The following CWC15 variants were observed in gnomAD, a reference collection of about 807,000 sequenced individuals.
The protein encoded by CWC15 is CWC15 spliceosome associated protein.
A neutral mutation model predicts 28.4 loss-of-function variants in CWC15; 12 were observed. That is an observed-to-expected ratio of 0.42 (90% CI 0.27 to 0.69). The LOEUF is 0.69. CWC15 is among the 30% of genes least tolerant of loss of function. The pLI, the probability that CWC15 is intolerant of heterozygous loss-of-function variation, is 0.23. For missense variants in CWC15, 192 were observed against 271.5 expected, an observed-to-expected ratio of 0.71 and a Z score of 2.06; for synonymous variants, 92 against 88.4, an observed-to-expected ratio of 1.04 and a Z score of -0.23.
At position 94,972,119 on chromosome 11, in the gene CWC15, A is replaced by G. The variant is rs782696750; in HGVS notation, c.67T>C (p.Leu23=). The part of the protein sequence containing the change: ...RGGRGKGEGD[L]SQLSKQYSSR... ...GAATACTGCTTTGAAAGTTGGCTCAAATCACCTTCTCCTTTTCCCCTTCCA... is the reference window on the plus strand; with the variant it reads ...GAATACTGCTTTGAAAGTTGGCTCAGATCACCTTCTCCTTTTCCCCTTCCA... The change falls in exon 2 of 7, where the codon TTG becomes CTG. Residue 23 remains leucine, a synonymous_variant. Transcript: ENST00000279839. 95 of 1,613,726 alleles carry G rather than the reference A, an allele frequency of 5.9e-5. No individual in the cohort carries two copies. Among genetic ancestry groups the G allele is most frequent in the East Asian group, 1.1e-4 (5 of 44,856 alleles).
At chr11:94,964,269 C>CCA (rs1857609574) in intron 6 of CWC15, among the ~76,000 whole-genome samples, 1 of 10,844 alleles carries the variant, frequency 9.2e-5, no homozygotes, top group African/African-American at 1.0e-4. Context: ...TAACACAAGC[C>CCA]CATATGTGTG....
intron 5 of CWC15, 106 bp downstream of exon 5, chr11:94,969,883 G>C (rs1021940207): frequency 1.1e-5 from 6 of 562,526 alleles, no homozygotes; most frequent in Non-Finnish European, 1.8e-5. Flanking sequence ...ATTTAGACAC[G>C]GTAAAGGAGA....
chr11:94,973,234 C>G (rs1318945149), intron 1 of CWC15: 1 of 152,358 alleles, frequency 6.6e-6, no homozygotes, highest in Non-Finnish European at 1.5e-5. Context: ...TCACCCGTGC[C>G]CAGCACTGCA....
chr11:94,971,578 T>G, intron 2 of CWC15, 91 bp from the exon 3 acceptor site: 1 of 741,066 alleles, frequency 1.3e-6, no homozygotes, highest in East Asian at 2.7e-5. Context: ...AATTCAGGAA[T>G]GAGACTTTGT....
At chr11:94,967,771 C>T (rs1272621372) in intron 5 of CWC15, among the ~76,000 whole-genome samples, 3 of 152,156 alleles carry the variant, frequency 2.0e-5, no homozygotes, top group African/African-American at 7.2e-5. Flanking sequence ...CTTTATGTCA[C>T]TGGTCAGAAC....
intron 6 of CWC15, among the ~76,000 whole-genome samples, chr11:94,964,125 GA>G (rs1167244374): frequency 2.1e-5 from 3 of 146,172 alleles, no homozygotes; most frequent in African/African-American, 5.1e-5. Flanking sequence ...GTATAAGCAC[GA>G]AAAAAAAACA....
At chr11:94,969,353 A>C (rs587774219) in intron 5 of CWC15, among the ~76,000 whole-genome samples, 1 of 152,072 alleles carries the variant, frequency 6.6e-6, no homozygotes, top group South Asian at 2.1e-4. Flanking sequence ...AGTTTTATCA[A>C]TCTCCTGCTG....
chr11:94,971,944 C>G, intron 2 of CWC15, 111 bp downstream of exon 2: 4 of 997,896 alleles, frequency 4.0e-6, no homozygotes, highest in Non-Finnish European at 2.9e-6. Context: ...GCATTCTATT[C>G]CTATGAAAAT....
chr11:94,966,545 CTT>C (rs34432027), intron 5 of CWC15, 132 bp from the exon 6 acceptor site: 11,669 of 233,596 alleles, frequency 0.05, no homozygotes, highest in Middle Eastern at 0.07. Context: ...TCAAGGCAGG[CTT>C]TTTTTTTTTT....
intron 1 of CWC15, among the ~76,000 whole-genome samples, chr11:94,972,812 C>T (rs1857742370): frequency 6.6e-6 from 1 of 152,170 alleles, no homozygotes; most frequent in Non-Finnish European, 1.5e-5. Context: ...TCTCCTACAA[C>T]AGGCATCATA....
At chr11:94,964,339 A>G (rs1263042753) in intron 6 of CWC15, among the ~76,000 whole-genome samples, 4 of 152,152 alleles carry the variant, frequency 2.6e-5, no homozygotes, top group African/African-American at 9.7e-5. Flanking sequence ...CAAATGTGGG[A>G]AAGTGCACAA....
Position 94,972,152 on chromosome 11 carries a change from C to T in CWC15, c.34G>A (p.Ala12Thr), listed in dbSNP as rs868988238. The change falls in exon 2 of 7, where the codon GCC becomes ACC. Residue 12 changes from alanine (A) to threonine (T), a missense_variant. By Grantham distance (58) the Ala-to-Thr change is moderately conservative (BLOSUM62 0). This residue lies in a region of CWC15 where 4 missense variants were observed against 21.2 expected (regional missense o/e 0.19). Transcript: ENST00000279839. Reference sequence around the variant, plus strand: ...TCTCCTTTTCCCCTTCCACCTCTGGCAGGTTCAAAGGTTGGCCTGGCTGCT... The same window carrying T: ...TCTCCTTTTCCCCTTCCACCTCTGGTAGGTTCAAAGGTTGGCCTGGCTGCT... Reference protein sequence around the residue: ...TTAARPTFEPARGGRGKGEGD... With the variant: ...TTAARPTFEPTRGGRGKGEGD... 1 of 1,613,854 alleles carries T rather than the reference C, an allele frequency of 6.2e-7. No homozygotes were observed. Among genetic ancestry groups the T allele is most frequent in the Non-Finnish European group, 8.5e-7 (1 of 1,179,802 alleles).
At chr11:94,969,223 C>T (rs185451873) in intron 5 of CWC15, among the ~76,000 whole-genome samples, 1 of 152,188 alleles carries the variant, frequency 6.6e-6, no homozygotes, top group Non-Finnish European at 1.5e-5. Context: ...AATTCCAACT[C>T]CTATCATACA....
rs191312292 is a variant in CWC15, at chr11:94,968,069, A to G, written c.442-1656T>C. Among the ~76,000 whole-genome samples, 3 of 152,360 alleles carry G rather than the reference A, an allele frequency of 2.0e-5. No homozygotes were observed. The East Asian group carries it at 5.8e-4, about 29-fold the overall frequency. On this transcript the variant is annotated intron_variant, in intron 5 of 6. Transcript: ENST00000279839. Reference sequence around the variant, plus strand: ...TCTATATTCAAACAGCAGGCATACTATGTTTCATAATATAGGCTAGTCATC... The same window carrying G: ...TCTATATTCAAACAGCAGGCATACTGTGTTTCATAATATAGGCTAGTCATC...
At position 94,962,943 on chromosome 11, in the gene CWC15, T is replaced by G. The variant is rs1415608338; in HGVS notation, c.*442A>C. On this transcript the variant is annotated 3_prime_UTR_variant, in exon 7 of 7. Coordinates refer to ENST00000279839, the MANE Select transcript of CWC15 (RefSeq NM_016403.4). ...CCCTCTCATCTTCCATTACACTCTT[T>G]TAAAAAATGCAGAGAAAATATGAAT... 1 of 150,828 alleles carries G rather than the reference T, an allele frequency of 6.6e-6. No individual in the cohort carries two copies. Among genetic ancestry groups the G allele is most frequent in the Non-Finnish European group, 1.5e-5 (1 of 68,144 alleles). The allele number at this position is 150,828 out of a possible 1,614,324, so 9.3% of individuals were successfully genotyped here. A position where few individuals can be genotyped will look rare whatever the true frequency, so the allele number is the denominator to read the frequency against.
intron 6 of CWC15, among the ~76,000 whole-genome samples, chr11:94,964,468 T>G (rs1307897420): frequency 1.3e-5 from 2 of 152,160 alleles, no homozygotes; most frequent in Non-Finnish European, 2.9e-5. Context: ...CATGTTTCTA[T>G]CTCCAATTCC....
intron 1 of CWC15, chr11:94,973,295 GGC>G (rs1555096530): frequency 4.1e-5 from 1 of 24,684 alleles, no homozygotes; most frequent in Non-Finnish European, 1.4e-4. Flanking sequence ...TTACGCAGTA[GGC>G]GAGCTGCCTG....
chr11:94,964,999 G>A (rs1175229509), intron 6 of CWC15, among the ~76,000 whole-genome samples: 1 of 152,222 alleles, frequency 6.6e-6, no homozygotes, highest in African/African-American at 2.4e-5. Context: ...CAGGAGTACT[G>A]CATCACTCCA....
At chr11:94,972,994 T>G (rs114877923) in intron 1 of CWC15, among the ~76,000 whole-genome samples, 2 of 135,304 alleles carry the variant, frequency 1.5e-5, no homozygotes, top group African/African-American at 5.6e-5. Context: ...AAAACCCTGT[T>G]AGTGTCGGAA....
Sources: allele counts gnomAD v4.1 joint callset (sites outside exome capture counted in the v4.1 genomes callset), GRCh38; gene constraint gnomAD v4.1.1; regional missense constraint gnomAD v4.1.1; transcripts MANE v1.5; gene names NCBI Gene and HGNC (gene_info 2026-07-23, HGNC 2026-07-21).